The following CTNNB1 variants were observed in gnomAD, a reference collection of about 807,000 sequenced individuals.
The protein encoded by CTNNB1 is catenin beta-1.
CTNNB1 carries 6 observed loss-of-function variants against 82.5 expected under a neutral mutation model. That is an observed-to-expected ratio of 0.07 (90% CI 0.04 to 0.14). The LOEUF (loss-of-function observed/expected upper bound fraction) is 0.14, where lower values mean the gene tolerates loss of function less well. CTNNB1 is among the 10% of genes least tolerant of loss of function. The probability of loss-of-function intolerance (pLI) is 1.00; values close to 1 mark genes in which losing one functional copy is unlikely to be tolerated. For missense variants in CTNNB1, 529 were observed against 980.4 expected (o/e 0.54, Z 6.15); for synonymous variants, 312 against 329.7 (o/e 0.95, Z 0.58).
chr3:41,236,516 CA>C lies in CTNNB1; in HGVS notation c.1954+20del. 6.2e-7 allele frequency: 1 copy of C among 1,614,150 alleles called. No individual in the cohort carries two copies. Among genetic ancestry groups the C allele is most frequent in the Non-Finnish European group, 8.5e-7 (1 of 1,180,016 alleles). On this transcript the variant is annotated intron_variant, in intron 12 of 14. Coordinates refer to ENST00000349496, the MANE Select transcript of CTNNB1 (RefSeq NM_001904.4). ...AAGGTGTGGGTAAGTAAAAAGGAAC[CA>C]AAGCCTTTAGCAGATGTGTACATTG...
chr3:41,215,966 C>G (rs2077908168), intron 1 of CTNNB1, among the ~76,000 whole-genome samples: 1 of 152,010 alleles, frequency 6.6e-6, no homozygotes, highest in African/African-American at 2.4e-5. Flanking sequence ...ATTGGCTAAC[C>G]CCTGTCTTTC....
chr3:41,222,056 A>G (rs1559465837), intron 1 of CTNNB1: 3 of 152,076 alleles, frequency 2.0e-5, no homozygotes, highest in Non-Finnish European at 2.9e-5. Context: ...CTCAGTTTCT[A>G]TGGAGTCAGT....
Position 41,214,780 on chromosome 3 carries a change from A to G in CTNNB1, c.-48-9241A>G, listed in dbSNP as rs903233484. Among the ~76,000 whole-genome samples the G allele has an allele frequency of 9.9e-5, 14 of 141,314 alleles. No homozygotes were observed. The East Asian group carries it at 2.0e-3, about 20-fold the overall frequency. The allele number at this position is 141,314 out of a possible 152,430, so 92.7% of individuals were successfully genotyped here. A position where few individuals can be genotyped will look rare whatever the true frequency, so the allele number is the denominator to read the frequency against. On this transcript the variant is annotated intron_variant, in intron 1 of 14. Transcript: ENST00000349496. ...GAACTAAGAATCGTTTTGGATAGCT[A>G]AAAAAAAAAATCAAAAGGATAATTA...
At chr3:41,221,384 GT>G (rs1285234108) in intron 1 of CTNNB1, 1 of 147,352 alleles carries the variant, frequency 6.8e-6, no homozygotes, top group Non-Finnish European at 1.5e-5. Context: ...GTCTTGCTCT[GT>G]TGCCCAGGCT....
chr3:41,231,276 G>C (rs1023256272), intron 7 of CTNNB1, among the ~76,000 whole-genome samples: 2 of 151,218 alleles, frequency 1.3e-5, no homozygotes, highest in Admixed American at 1.3e-4. Flanking sequence ...GCAGTGAGCT[G>C]AGATAGCGCC....
At chr3:41,204,085 T>C (rs1377745791) in intron 1 of CTNNB1, among the ~76,000 whole-genome samples, 1 of 151,898 alleles carries the variant, frequency 6.6e-6, no homozygotes, top group Non-Finnish European at 1.5e-5. Context: ...TGTATTGCTA[T>C]AGTTAGGGTT....
chr3:41,217,602 T>C (rs1025931282), intron 1 of CTNNB1, among the ~76,000 whole-genome samples: 2 of 152,248 alleles, frequency 1.3e-5, no homozygotes, highest in African/African-American at 4.8e-5. Context: ...ATTTCTGTTA[T>C]AAAAATTGAA....
intron 13 of CTNNB1, 97 bp downstream of exon 13, chr3:41,236,806 C>T (rs2125648035): frequency 6.7e-7 from 1 of 1,501,236 alleles, no homozygotes; most frequent in Non-Finnish European, 9.2e-7. Flanking sequence ...CATTCATTTG[C>T]ATTGATGTTT....
chr3:41,211,190 C>T (rs922651622), intron 1 of CTNNB1: 15 of 402,970 alleles, frequency 3.7e-5, no homozygotes, highest in African/African-American at 2.5e-4. Context: ...TGTGCTGCGA[C>T]GTTAACGATG....
rs773352357 is a variant in CTNNB1 at position 41,206,331 on chromosome 3, A to G, written c.-49+6661A>G. Among the ~76,000 whole-genome samples, 8 of 152,340 alleles carry G rather than the reference A, an allele frequency of 5.3e-5. 1 individual carries two copies. The Middle Eastern group carries it at 0.014, about 261-fold the overall frequency. On this transcript the variant is annotated intron_variant, in intron 1 of 14. Transcript: ENST00000349496. ...TAGCTGAGTTGGAAGCCAAAGACGT[A>G]CAAAAAAGCTGAAGTGTTAGGTTTA...
In CTNNB1 at chr3:41,234,001, G is replaced by A. The variant is rs182223805; in HGVS notation, c.1524+134G>A. The A allele has an allele frequency of 2.7e-4, 391 of 1,423,026 alleles. 1 individual carries two copies. The East Asian group carries it at 6.7e-3, about 25-fold the overall frequency. 88.1% of individuals were successfully genotyped at this position (1,423,026 alleles called of 1,614,324 possible). On this transcript the variant is annotated intron_variant, in intron 9 of 14. Transcript: ENST00000349496. The stretch of plus-strand genomic sequence containing the variant: ...CTTAGTAAGTAGGAAGTATGGCTGC[G>A]ATAGGGGTAAGATTCTGAAATGTTT...
chr3:41,220,378 ACACACC>A (rs771827410), intron 1 of CTNNB1, among the ~76,000 whole-genome samples: 1,787 of 145,834 alleles, frequency 0.012, 43 homozygotes, highest in Admixed American at 0.057. Context: ...TTGAGAACAC[ACACACC>A]CACACCCACA....
At chr3:41,215,247 G>A (rs570427256) in intron 1 of CTNNB1, among the ~76,000 whole-genome samples, 2 of 146,836 alleles carry the variant, frequency 1.4e-5, no homozygotes, top group South Asian at 4.4e-4. Flanking sequence ...AATAGCTGGG[G>A]TTGGTGGTGG....
intron 1 of CTNNB1, among the ~76,000 whole-genome samples, chr3:41,211,259 C>G (rs931701287): frequency 6.6e-6 from 1 of 152,212 alleles, no homozygotes; most frequent in African/African-American, 2.4e-5. Flanking sequence ...TATGAGACCA[C>G]TGTTGTATGT....
intron 1 of CTNNB1, among the ~76,000 whole-genome samples, chr3:41,207,299 T>G (rs1446101856): frequency 6.6e-6 from 1 of 152,192 alleles, no homozygotes; most frequent in Non-Finnish European, 1.5e-5. Flanking sequence ...AAAATTTGAT[T>G]TTTTAGAAGA....
chr3:41,240,390 CAA>C lies in CTNNB1; in HGVS notation c.*1049_*1050del, dbSNP rs1009342636. 5.4e-6 allele frequency: 1 copy of C among 183,884 alleles called. No homozygotes were observed. The highest frequency in any genetic ancestry group is 2.4e-5 in the African/African-American group (1 of 42,548). The allele number at this position is 183,884 out of a possible 1,614,324, so 11.4% of individuals were successfully genotyped here. ...TGTAACCTGCTGTGATACGATGCTT[CAA>C]GAGAAAATGCGGTTATAAAAAATGG... On this transcript the variant is annotated 3_prime_UTR_variant, in exon 15 of 15. Transcript: ENST00000349496.
rs1356401179 is a variant in CTNNB1, at chr3:41,225,911, A to G, written c.936+50A>G. On this transcript the variant is annotated intron_variant, in intron 6 of 14. Coordinates refer to ENST00000349496, the MANE Select transcript of CTNNB1 (RefSeq NM_001904.4). This position sits in a 1 kb window ranked among gnomAD's most constrained non-coding sequence, Gnocchi z 5.3. Reference sequence around the variant, plus strand: ...TTTTCATGGAGCATTGGACACCTCCAGTGTCATGTCATTCCATGCAGTGTT... The same window carrying G: ...TTTTCATGGAGCATTGGACACCTCCGGTGTCATGTCATTCCATGCAGTGTT... The G allele has an allele frequency of 6.6e-7, 1 of 1,521,994 alleles. No individual in the cohort carries two copies. The highest frequency in any genetic ancestry group is 1.4e-5 in the African/African-American group (1 of 72,978). The allele number at this position is 1,521,994 out of a possible 1,614,324, so 94.3% of individuals were successfully genotyped here.
chr3:41,225,397 G>A lies in CTNNB1; in HGVS notation c.559G>A (p.Ala187Thr), dbSNP rs963558956. The A allele has an allele frequency of 5.6e-6, 9 of 1,613,806 alleles. No homozygotes were observed. Among genetic ancestry groups the A allele is most frequent in the African/African-American group, 4.0e-5 (3 of 74,908 alleles). Residue 187 changes from alanine to threonine, a missense_variant, in exon 5 of 15, where the codon GCT becomes ACT. Transcript: ENST00000349496. This position sits in a 1 kb window ranked among gnomAD's most constrained non-coding sequence, Gnocchi z 5.3. ...TTCTAAAAAGGAAGCTTCCAGACAC[G>A]CTATCATGCGTTCTCCTCAGATGGT... Reference protein sequence around the residue: ...QLSKKEASRHAIMRSPQMVSA... With the variant: ...QLSKKEASRHTIMRSPQMVSA...
chr3:41,231,887 G>A (rs998162398), intron 7 of CTNNB1, among the ~76,000 whole-genome samples: 2 of 152,184 alleles, frequency 1.3e-5, no homozygotes, highest in Admixed American at 6.5e-5. Context: ...ACCAAAAACG[G>A]TTTGTGGAGG....
Sources: gnomAD v4.1 joint callset for allele counts (sites outside exome capture counted in the v4.1 genomes callset) on GRCh38, gnomAD v4.1.1 for gene constraint, Gnocchi (gnomAD v3.1) non-coding constraint, MANE v1.5 for transcripts, NCBI Gene and HGNC (gene_info 2026-07-23, HGNC 2026-07-21) for gene names.